Variants in PTH2R observed in about 807,000 individuals in gnomAD.
PTH2R encodes the protein parathyroid hormone 2 receptor.
In PTH2R, 59 loss-of-function variants were observed where a neutral mutation model predicts 60.3. That is an observed-to-expected ratio of 0.98 (90% confidence interval 0.79 to 1.22). The LOEUF is 1.22. Among genes scored for constraint, PTH2R ranks in the 50% most tolerant of loss-of-function variants. The probability of loss-of-function intolerance (pLI) is 0.00; values close to 1 mark genes in which losing one functional copy is unlikely to be tolerated. For synonymous variants in PTH2R, 256 were observed against 243.8 expected, an observed-to-expected ratio of 1.05 and a Z score of -0.47; for missense variants, 749 against 682.6, an observed-to-expected ratio of 1.10 and a Z score of -1.08.
chr2:208,388,979 C>T (rs911912428), intron 1 of PTH2R, among the ~76,000 whole-genome samples: 3 of 152,088 alleles, frequency 2.0e-5, no homozygotes, highest in African/African-American at 4.8e-5. Context: ...ATAGCACATA[C>T]GTAGAAAACA....
intron 10 of PTH2R, among the ~76,000 whole-genome samples, chr2:208,483,808 C>T (rs1292471709): frequency 6.6e-6 from 1 of 152,144 alleles, no homozygotes. Flanking sequence ...AGTTAAGTCA[C>T]AGATAAAAAT....
chr2:208,471,266 C>A lies in PTH2R; in HGVS notation c.982-9804C>A, dbSNP rs548574809. Among the ~76,000 whole-genome samples, 270 of 152,304 alleles carry A rather than the reference C, an allele frequency of 1.8e-3. 4 individuals carry two copies. The South Asian group carries it at 0.026, about 14-fold the overall frequency. On this transcript the variant is annotated intron_variant, in intron 9 of 12. Coordinates refer to ENST00000272847, the MANE Select transcript of PTH2R (RefSeq NM_005048.4). ...TAGTAACAAGGAGTCAAATGTTAAT[C>A]CCCAAGACAATGGAGAAAATGTCTC...
At position 208,430,461 on chromosome 2, in the gene PTH2R, A is replaced by AT. The variant is rs933038888; in HGVS notation, c.178+2170dup. Among the ~76,000 whole-genome samples the AT allele has an allele frequency of 3.6e-3, 498 of 139,602 alleles. 2 individuals are homozygous for AT. The highest frequency in any genetic ancestry group is 4.8e-3 in the African/African-American group (182 of 38,038). The allele number at this position is 139,602 out of a possible 152,430, so 91.6% of individuals were successfully genotyped here. On this transcript the variant is annotated intron_variant, in intron 2 of 12. Transcript: ENST00000272847. ...TTTACTTCTATCACCTAAAGATACC[A>AT]TTTTTTTTTTTTCTAGCTTCCATTG...
intron 1 of PTH2R, among the ~76,000 whole-genome samples, chr2:208,416,288 T>C (rs1370662765): frequency 6.6e-6 from 1 of 152,210 alleles, no homozygotes; most frequent in Non-Finnish European, 1.5e-5. Context: ...CATGAAAATA[T>C]AAAGCATTTA....
chr2:208,408,389 A>G (rs1701462244), intron 1 of PTH2R, among the ~76,000 whole-genome samples: 1 of 152,126 alleles, frequency 6.6e-6, no homozygotes, highest in Admixed American at 6.5e-5. Flanking sequence ...TACTTCCTAC[A>G]TTTTTATCTC....
upstream of PTH2R, among the ~76,000 whole-genome samples, chr2:208,405,847 C>G (rs1018891882): frequency 6.6e-6 from 1 of 152,156 alleles, no homozygotes; most frequent in Non-Finnish European, 1.5e-5. Context: ...TCCCTCATCC[C>G]TTCTGCCATG....
chr2:208,434,101 G>C (rs1189635814), intron 2 of PTH2R, among the ~76,000 whole-genome samples: 1 of 152,106 alleles, frequency 6.6e-6, no homozygotes, highest in Non-Finnish European at 1.5e-5. Context: ...ATCACCTGAG[G>C]TCAGGAGTTC....
intron 8 of PTH2R, 130 bp from the exon 9 acceptor site, chr2:208,459,765 G>A: frequency 1.3e-6 from 1 of 748,134 alleles, no homozygotes; most frequent in Non-Finnish European, 2.3e-6. Context: ...TTTAAGATAA[G>A]ATTTCTTTGT....
intron 1 of PTH2R, among the ~76,000 whole-genome samples, chr2:208,413,082 G>T (rs998277059): frequency 1.3e-5 from 2 of 150,974 alleles, no homozygotes; most frequent in African/African-American, 4.9e-5. Context: ...TAATTTATTT[G>T]CTCATATAAA....
In PTH2R at chr2:208,397,714, G is replaced by A. The variant is rs115357300; in HGVS notation, c.-258-30487G>A. Among the ~76,000 whole-genome samples the A allele has an allele frequency of 6.5e-3, 989 of 152,250 alleles. 17 individuals are homozygous for A. The highest frequency in any genetic ancestry group is 0.01 in the Middle Eastern group (3 of 294). ...GACCAGGTATGTCATTCAAGTAGCC[G>A]GTGAAAAAACTGGCCCTCCCACCCT... On this transcript the variant is annotated intron_variant, in intron 1 of 12. Coordinates refer to the PTH2R transcript ENST00000617735.
At chr2:208,408,765 A>AG (rs58469801) in intron 1 of PTH2R, among the ~76,000 whole-genome samples, 3,543 of 150,642 alleles carry the variant, frequency 0.024, 136 homozygotes, top group African/African-American at 0.083. Flanking sequence ...AGAGAGAGAG[A>AG]AATAAATAAT....
In PTH2R at chr2:208,493,956, A is replaced by G. The variant is rs1452606098; in HGVS notation, c.*297A>G. ...CTACTTTTGGGTAGAAAAAAGATTC[A>G]ATTGCTTGGCTGTAGCTTTCTCTCA... is the stretch of plus-strand genomic sequence containing the variant. On this transcript the variant is annotated 3_prime_UTR_variant, in exon 13 of 13. Transcript: ENST00000272847. 1 of 247,814 alleles carries G rather than the reference A, an allele frequency of 4.0e-6. No homozygotes were observed. Among genetic ancestry groups the G allele is most frequent in the Non-Finnish European group, 7.7e-6 (1 of 130,552 alleles). The allele number at this position is 247,814 out of a possible 1,614,324, so 15.4% of individuals were successfully genotyped here.
At chr2:208,384,695 G>T (rs1700973550) in intron 1 of PTH2R, among the ~76,000 whole-genome samples, 2 of 152,168 alleles carry the variant, frequency 1.3e-5, no homozygotes, top group African/African-American at 4.8e-5. Context: ...ACACATTCGG[G>T]TGATAACTTC....
intron 12 of PTH2R, among the ~76,000 whole-genome samples, chr2:208,492,006 G>T (rs967942811): frequency 3.9e-5 from 6 of 152,168 alleles, no homozygotes; most frequent in African/African-American, 1.4e-4. Context: ...TTGCCAAGAT[G>T]AACAGATAGA....
intron 1 of PTH2R, among the ~76,000 whole-genome samples, chr2:208,410,720 A>G (rs1170582691): frequency 6.6e-6 from 1 of 152,236 alleles, no homozygotes; most frequent in African/African-American, 2.4e-5. Flanking sequence ...ACATGCACAT[A>G]AAACAGTAAT....
At chr2:208,360,954 G>T (rs1369506216) in intron 1 of PTH2R, 4 of 224,386 alleles carry the variant, frequency 1.8e-5, no homozygotes, top group African/African-American at 2.3e-5. Flanking sequence ...GGAGCACGTT[G>T]CTGGGATGCC....
intron 2 of PTH2R, among the ~76,000 whole-genome samples, chr2:208,430,723 AT>A (rs1287562692): frequency 6.6e-6 from 1 of 151,208 alleles, no homozygotes; most frequent in African/African-American, 2.4e-5. Flanking sequence ...ATTTTTTTGT[AT>A]TTTTTGTTTT....
chr2:208,381,379 C>T (rs1700909984), intron 1 of PTH2R, among the ~76,000 whole-genome samples: 1 of 152,088 alleles, frequency 6.6e-6, no homozygotes, highest in African/African-American at 2.4e-5. Context: ...TAACCTCTTT[C>T]ATTAAGCTTA....
At chr2:208,475,466 T>C (rs1353789967) in intron 9 of PTH2R, among the ~76,000 whole-genome samples, 2 of 152,118 alleles carry the variant, frequency 1.3e-5, no homozygotes, top group African/African-American at 2.4e-5. Flanking sequence ...CTGGCACTCA[T>C]TGAGACTTTA....
Sources: allele counts gnomAD v4.1 joint callset (sites outside exome capture counted in the v4.1 genomes callset), GRCh38; gene constraint gnomAD v4.1.1; transcripts MANE v1.5; gene names NCBI Gene and HGNC (gene_info 2026-07-23, HGNC 2026-07-21).